Variants in C6orf132 observed in about 807,000 individuals in gnomAD.
C6orf132 encodes uncharacterized protein C6orf132.
In C6orf132, 43 loss-of-function variants were observed where a neutral mutation model predicts 65.3. The observed-to-expected ratio is 0.66, with a 90% CI of 0.52 to 0.85. C6orf132 has a LOEUF of 0.85. Ranked by LOEUF, C6orf132 falls within the 40% of genes least tolerant of loss-of-function variation. The pLI is 0.00. For missense variants in C6orf132, 1,488 were observed against 1,548.8 expected, an observed-to-expected ratio of 0.96 and a Z score of 0.66; for synonymous variants, 631 against 654.1, an observed-to-expected ratio of 0.96 and a Z score of 0.54.
Position 42,107,020 on chromosome 6 carries a change from AG to A in C6orf132, c.891del (p.Phe298SerfsTer219), listed in dbSNP as rs1766422900. 1.3e-6 allele frequency: 2 copies of A among 1,521,064 alleles called. No homozygotes were observed. Among genetic ancestry groups the A allele is most frequent in the Non-Finnish European group, 1.8e-6 (2 of 1,140,638 alleles). The allele number at this position is 1,521,064 out of a possible 1,614,324, so 94.2% of individuals were successfully genotyped here. A position where few individuals can be genotyped will look rare whatever the true frequency, so the allele number is the denominator to read the frequency against. The stretch of plus-strand genomic sequence containing the variant: ...GGAGGCACTTTGAAAGAACGGGGGA[AG>A]GTGAGATGGGGCTCTGGGTTAGGTC... ...ALGPNPEPHLTFPRSFKVPPP... is the reference protein window; with the variant it reads ...ALGPNPEPHLXFPRSFKVPPP... On this transcript the variant is annotated frameshift_variant, in exon 4 of 5. Transcript: ENST00000341865. LOFTEE classifies it high-confidence loss of function.
At position 42,130,045 on chromosome 6, in the gene C6orf132, G is replaced by A. The variant is rs141836889; in HGVS notation, c.146-1267C>T. The stretch of plus-strand genomic sequence containing the variant: ...CCATGCGAGCATCTGGGCTTTGGAT[G>A]TGACAGGGAGGCTCCTGGGAGCGCC... On this transcript the variant is annotated intron_variant, in intron 1 of 4. Coordinates refer to ENST00000341865, the MANE Select transcript of C6orf132 (RefSeq NM_001164446.3). Among the ~76,000 whole-genome samples the A allele has an allele frequency of 4.8e-3, 730 of 152,362 alleles. 8 individuals carry two copies. The highest frequency in any genetic ancestry group is 0.016 in the African/African-American group (663 of 41,590).
Position 42,104,827 on chromosome 6 carries a change from CG to C in C6orf132, c.3084del (p.Ala1030ArgfsTer33). 6.8e-7 allele frequency: 1 copy of C among 1,460,670 alleles called. No individual in the cohort carries two copies. The allele number at this position is 1,460,670 out of a possible 1,614,324, so 90.5% of individuals were successfully genotyped here. The part of the protein sequence containing the change: ...SDLRQLPNAG[P>X]GAPPALGFSR... ...GAGAAGCCGAGAGCCGGGGGCGCCCCGGGGCCAGCGTTCGGGAGCTGCCTCA... is the reference window on the plus strand; with the variant it reads ...GAGAAGCCGAGAGCCGGGGGCGCCCCGGGCCAGCGTTCGGGAGCTGCCTCA... On this transcript the variant is annotated frameshift_variant, in exon 4 of 5. Coordinates refer to ENST00000341865, the MANE Select transcript of C6orf132 (RefSeq NM_001164446.3). LOFTEE classifies it high-confidence loss of function. The surrounding 1 kb of genome is among the most constrained non-coding windows in gnomAD (Gnocchi z 4.1).
chr6:42,103,625 T>C lies in C6orf132; in HGVS notation c.*136A>G, dbSNP rs914067787. 65 of 448,234 alleles carry C rather than the reference T, an allele frequency of 1.5e-4. 1 individual carries two copies. The highest frequency in any genetic ancestry group is 1.1e-3 in the African/African-American group (56 of 48,896). 27.8% of individuals were successfully genotyped at this position (448,234 alleles called of 1,614,324 possible). On this transcript the variant is annotated 3_prime_UTR_variant, in exon 5 of 5. Transcript: ENST00000341865. ...GGCCACTGCTTCTCATCGTTGGTCT[T>C]TGGGGATCAAAGACTCCTCTGTGTC...
Position 42,105,387 on chromosome 6 carries a change from A to G in C6orf132, c.2525T>C (p.Leu842Pro). Residue 842 changes from leucine (L) to proline (P), a missense_variant, in exon 4 of 5, where the codon CTC (leucine) becomes CCC (proline). Physicochemically the swap from Leu to Pro is moderately conservative, Grantham distance 98. Coordinates refer to ENST00000341865, the MANE Select transcript of C6orf132 (RefSeq NM_001164446.3). ...VVERGSPMAL[L>P]LAARQRAQKG... ...CTGAGCCCTCTGCCTGGCCGCCAGG[A>G]GCAGGGCCATCGGCGAGCCCCGCTC... The G allele has an allele frequency of 6.5e-7, 1 of 1,535,904 alleles. No individual in the cohort carries two copies. Among genetic ancestry groups the G allele is most frequent in the Middle Eastern group, 1.7e-4 (1 of 5,980 alleles).
Position 42,105,781 on chromosome 6 carries a change from A to G in C6orf132, c.2131T>C (p.Ser711Pro). 6.5e-7 allele frequency: 1 copy of G among 1,537,278 alleles called. No homozygotes were observed. Among genetic ancestry groups the G allele is most frequent in the Non-Finnish European group, 8.7e-7 (1 of 1,146,914 alleles). Residue 711 changes from serine to proline, a missense_variant, in exon 4 of 5, where the codon TCA becomes CCA. Coordinates refer to ENST00000341865, the MANE Select transcript of C6orf132 (RefSeq NM_001164446.3). ...TTSQLMAEKD[S>P]GPAGQPEKPA... ...TTCTCTGGCTGGCCAGCTGGGCCTG[A>G]GTCCTTCTCTGCCATCAGTTGGGAT...
At chr6:42,127,143 T>A (rs77743806) in intron 2 of C6orf132, among the ~76,000 whole-genome samples, 1 of 151,980 alleles carries the variant, frequency 6.6e-6, no homozygotes, top group African/African-American at 2.4e-5. Context: ...TTTGTAGAGA[T>A]GGGGTTGGGC....
intron 1 of C6orf132, among the ~76,000 whole-genome samples, chr6:42,134,810 G>T (rs900387602): frequency 6.8e-6 from 1 of 147,088 alleles, no homozygotes; most frequent in Non-Finnish European, 1.5e-5. Flanking sequence ...TGGCCAACAT[G>T]GTGAAACCCC....
chr6:42,137,394 T>G (rs1301344901), intron 1 of C6orf132, among the ~76,000 whole-genome samples: 3 of 151,752 alleles, frequency 2.0e-5, no homozygotes, highest in African/African-American at 4.8e-5. Flanking sequence ...GGAACAGGAG[T>G]AAACAAAAGT....
At position 42,104,905 on chromosome 6, in the gene C6orf132, G is replaced by A; in HGVS notation, c.3007C>T (p.Leu1003Phe). ...GAGCTCTGGCGGCCCAGATACTGGA[G>A]GGCCGGGGCCGGGGGCTCAGGGTCA... The part of the protein sequence containing the change: ...SNDPEPPAPA[L>F]QYLGRQSSPP... The change falls in exon 4 of 5, where the codon CTC (leucine) becomes TTC (phenylalanine). Residue 1003 changes from leucine to phenylalanine, a missense_variant. Physicochemically the swap from Leu to Phe is conservative, Grantham distance 22 (BLOSUM62 0). Transcript: ENST00000341865. The surrounding 1 kb of genome is among the most constrained non-coding windows in gnomAD (Gnocchi z 4.1). The A allele has an allele frequency of 6.9e-7, 1 of 1,453,344 alleles. No homozygotes were observed. The highest frequency in any genetic ancestry group is 9.0e-7 in the Non-Finnish European group (1 of 1,107,174). The allele number at this position is 1,453,344 out of a possible 1,614,324, so 90.0% of individuals were successfully genotyped here.
chr6:42,134,188 C>T (rs905741292), intron 1 of C6orf132, among the ~76,000 whole-genome samples: 1 of 152,140 alleles, frequency 6.6e-6, no homozygotes, highest in African/African-American at 2.4e-5. Flanking sequence ...GTTTAGAGCC[C>T]AGCTGAACTT....
chr6:42,139,301 TTCC>T (rs1317263040), intron 1 of C6orf132, among the ~76,000 whole-genome samples: 3 of 152,242 alleles, frequency 2.0e-5, no homozygotes, highest in Non-Finnish European at 4.4e-5. Context: ...ATGGCTCAGT[TTCC>T]TCTATTCTAC....
rs1484526084 is a variant in C6orf132 at position 42,107,596 on chromosome 6, G to A, written c.329-13C>T. On this transcript the variant is annotated splice_polypyrimidine_tract_variant and intron_variant, in intron 3 of 4. Transcript: ENST00000341865. ...AGTGAGCTGGTACCTGAAAGAAGGA[G>A]AGGCAAAGATGGGGGGCAGGAACAA... The A allele has an allele frequency of 1.3e-6, 2 of 1,550,610 alleles. No homozygotes were observed. Among genetic ancestry groups the A allele is most frequent in the African/African-American group, 2.7e-5 (2 of 72,950 alleles).
At chr6:42,136,971 T>C (rs1303057984) in intron 1 of C6orf132, among the ~76,000 whole-genome samples, 2 of 152,142 alleles carry the variant, frequency 1.3e-5, no homozygotes. Context: ...CGCCACTCAG[T>C]GTGCAGACCC....
intron 2 of C6orf132, among the ~76,000 whole-genome samples, chr6:42,123,403 G>C (rs1053693597): frequency 6.9e-6 from 1 of 145,000 alleles, no homozygotes; most frequent in East Asian, 2.0e-4. Flanking sequence ...ACAAAACAAC[G>C]AAGAAGAAGA....
intron 2 of C6orf132, 131 bp downstream of exon 2, chr6:42,128,541 C>T: frequency 1.5e-6 from 1 of 670,514 alleles, no homozygotes; most frequent in Non-Finnish European, 2.6e-6. Flanking sequence ...CAGTAGCCCC[C>T]CTTCCCGCCG....
chr6:42,118,325 G>A (rs1403118194), intron 2 of C6orf132, among the ~76,000 whole-genome samples: 1 of 152,208 alleles, frequency 6.6e-6, no homozygotes, highest in Non-Finnish European at 1.5e-5. Context: ...AGACCAGGCA[G>A]GCAGGGCTGG....
At chr6:42,112,800 C>G (rs1349629097) in intron 2 of C6orf132, among the ~76,000 whole-genome samples, 2 of 152,210 alleles carry the variant, frequency 1.3e-5, no homozygotes, top group Non-Finnish European at 2.9e-5. Context: ...GCTGATGGTA[C>G]TAACCCTCTG....
intron 2 of C6orf132, among the ~76,000 whole-genome samples, chr6:42,122,370 T>C (rs1338254064): frequency 6.6e-6 from 1 of 152,206 alleles, no homozygotes; most frequent in Non-Finnish European, 1.5e-5. Context: ...AAGGGCTTCT[T>C]CTCTGGCCAG....
intron 3 of C6orf132, among the ~76,000 whole-genome samples, chr6:42,109,542 G>A (rs1047200754): frequency 6.6e-6 from 1 of 152,150 alleles, no homozygotes; most frequent in Non-Finnish European, 1.5e-5. Flanking sequence ...ATGCCTCGCA[G>A]AAGAGCATTC....
Sources: gnomAD v4.1 joint callset for allele counts (sites outside exome capture counted in the v4.1 genomes callset) on GRCh38, gnomAD v4.1.1 for gene constraint, Gnocchi (gnomAD v3.1) non-coding constraint, MANE v1.5 for transcripts, NCBI Gene and HGNC (gene_info 2026-07-23, HGNC 2026-07-21) for gene names.